The following STARD9 variants were observed in gnomAD, a reference collection of about 807,000 sequenced individuals.
The protein encoded by STARD9 is stAR-related lipid transfer protein 9.
In STARD9, 346 loss-of-function variants were observed where a neutral mutation model predicts 399.8. That is an observed-to-expected ratio of 0.87 (90% CI 0.79 to 0.95). The LOEUF (loss-of-function observed/expected upper bound fraction) is 0.95. STARD9 is among the 40% of genes least tolerant of loss of function. The probability of loss-of-function intolerance (pLI) is 0.00; values close to 1 mark genes in which losing one functional copy is unlikely to be tolerated. For synonymous variants in STARD9, 2,203 were observed against 2,143.5 expected (o/e 1.03, Z -0.77); for missense variants, 5,832 against 5,667.5 (o/e 1.03, Z -0.93).
chr15:42,624,553 CTTT>C (rs11314415), intron 3 of STARD9, among the ~76,000 whole-genome samples: 3 of 142,766 alleles, frequency 2.1e-5, no homozygotes, highest in African/African-American at 2.6e-5. Flanking sequence ...TTTCTGTTGT[CTTT>C]TTTTTTTTTT....
In STARD9 at chr15:42,687,840, G is replaced by T; in HGVS notation, c.6262G>T (p.Asp2088Tyr). 6.5e-7 allele frequency: 1 copy of T among 1,537,354 alleles called. No individual in the cohort carries two copies. The change falls in exon 23 of 33, where the codon GAC becomes TAC. Residue 2088 changes from aspartate (D) to tyrosine (Y), a missense_variant. Around this residue, in one of 2 missense-constraint regions of STARD9, gnomAD observed 5,828 missense variants for 5,651.1 expected, o/e 1.03. Coordinates refer to ENST00000290607, the MANE Select transcript of STARD9 (RefSeq NM_020759.3). The part of the protein sequence containing the change: ...PGTDKELVFQ[D>Y]QKEQEKTDHA... Reference sequence around the variant, plus strand: ...AACCGATAAGGAGTTGGTGTTCCAGGACCAGAAGGAGCAGGAGAAGACTGA... The same window carrying T: ...AACCGATAAGGAGTTGGTGTTCCAGTACCAGAAGGAGCAGGAGAAGACTGA...
At chr15:42,578,171 C>T (rs1049035207) in intron 1 of STARD9, among the ~76,000 whole-genome samples, 6 of 150,950 alleles carry the variant, frequency 4.0e-5, no homozygotes, top group South Asian at 2.1e-4. Flanking sequence ...AGTGCAATGG[C>T]GCGATCTCAG....
Position 42,681,627 on chromosome 15 carries a change from C to A in STARD9, c.2065+15C>A, listed in dbSNP as rs963518112. On this transcript the variant is annotated intron_variant, in intron 21 of 32. Coordinates refer to ENST00000290607, the MANE Select transcript of STARD9 (RefSeq NM_020759.3). ...GATTAAAGAAAGTAGGTGTCCACCA[C>A]TTAATGTGTCTGCCTCACCTCCTTA... The A allele has an allele frequency of 5.0e-5, 77 of 1,526,260 alleles. 1 individual carries two copies. Among genetic ancestry groups the A allele is most frequent in the South Asian group, 4.2e-4 (35 of 82,846 alleles). 94.5% of individuals were successfully genotyped at this position (1,526,260 alleles called of 1,614,324 possible).
rs1288216744 is a variant in STARD9, at chr15:42,688,316, G to C, written c.6738G>C (p.Leu2246Phe). The C allele has an allele frequency of 6.5e-7, 1 of 1,537,452 alleles. No individual in the cohort carries two copies. Among genetic ancestry groups the C allele is most frequent in the African/African-American group, 1.4e-5 (1 of 73,164 alleles). The change falls in exon 23 of 33, where the codon TTG becomes TTC. Residue 2246 changes from leucine to phenylalanine, a missense_variant. Physicochemically the swap from Leu to Phe is conservative, Grantham distance 22 (BLOSUM62 0). Transcript: ENST00000290607. ...QPWGLGSLEE[L>F]ETVKGFQESQ... Reference sequence around the variant, plus strand: ...GGGGCTTAGGAAGTCTTGAGGAATTGGAGACTGTGAAAGGTTTTCAGGAAA... The same window carrying C: ...GGGGCTTAGGAAGTCTTGAGGAATTCGAGACTGTGAAAGGTTTTCAGGAAA...
intron 8 of STARD9, 33 bp from the exon 9 acceptor site, chr15:42,652,487 C>G (rs765909843): frequency 1.7e-5 from 26 of 1,520,158 alleles, no homozygotes; most frequent in South Asian, 4.8e-5. Context: ...TGTAAACAAT[C>G]CTCGTCCTAA....
In STARD9 at chr15:42,653,381, A is replaced by G. The variant is rs142611442; in HGVS notation, c.702+789A>G. Among the ~76,000 whole-genome samples the G allele has an allele frequency of 9.8e-5, 15 of 152,340 alleles. No individual in the cohort carries two copies. In the East Asian group the frequency reaches 2.9e-3, roughly 29 times the overall value. Reference sequence around the variant, plus strand: ...GTACCACACCCAAAATAAAATGATGACTAAAAACTTCCTAAATTTGTTGAA... The same window carrying G: ...GTACCACACCCAAAATAAAATGATGGCTAAAAACTTCCTAAATTTGTTGAA... On this transcript the variant is annotated intron_variant, in intron 9 of 32. Coordinates refer to ENST00000290607, the MANE Select transcript of STARD9 (RefSeq NM_020759.3).
At chr15:42,650,335 G>A (rs776211137) in intron 7 of STARD9, among the ~76,000 whole-genome samples, 1 of 152,192 alleles carries the variant, frequency 6.6e-6, no homozygotes, top group African/African-American at 2.4e-5. Context: ...CTCTCATACA[G>A]AGATTCTCTG....
At chr15:42,600,043 G>A (rs1459187605) in intron 3 of STARD9, among the ~76,000 whole-genome samples, 2 of 152,202 alleles carry the variant, frequency 1.3e-5, no homozygotes, top group African/African-American at 4.8e-5. Flanking sequence ...CCATGTGTTT[G>A]AGGGGATCAG....
chr15:42,602,013 G>GT (rs2058640577), intron 3 of STARD9, among the ~76,000 whole-genome samples: 1 of 152,106 alleles, frequency 6.6e-6, no homozygotes, highest in Admixed American at 6.5e-5. Context: ...CGCCCGGCTC[G>GT]TTTTTATATT....
chr15:42,676,636 G>A (rs575710824), intron 20 of STARD9, among the ~76,000 whole-genome samples: 6 of 152,086 alleles, frequency 3.9e-5, no homozygotes, highest in Non-Finnish European at 7.4e-5. Context: ...TACTTCATCC[G>A]TTTCTACATA....
chr15:42,702,470 G>A (rs1385802995), intron 26 of STARD9, among the ~76,000 whole-genome samples: 4 of 152,084 alleles, frequency 2.6e-5, no homozygotes, highest in African/African-American at 9.7e-5. Context: ...CCAAAGTATT[G>A]GGATTACAGG....
At chr15:42,647,927 G>A (rs1363146589) in intron 7 of STARD9, among the ~76,000 whole-genome samples, 3 of 152,078 alleles carry the variant, frequency 2.0e-5, no homozygotes, top group African/African-American at 4.8e-5. Flanking sequence ...TTACAACATA[G>A]ACCATTGATT....
chr15:42,607,606 A>T (rs2058758143), intron 3 of STARD9, among the ~76,000 whole-genome samples: 1 of 151,452 alleles, frequency 6.6e-6, no homozygotes, highest in Admixed American at 6.6e-5. Context: ...GGACCTCCAG[A>T]CTGAATCTAG....
chr15:42,623,686 T>C (rs1179691452), intron 3 of STARD9, among the ~76,000 whole-genome samples: 1 of 152,234 alleles, frequency 6.6e-6, no homozygotes, highest in Non-Finnish European at 1.5e-5. Flanking sequence ...ATTTCTGTTG[T>C]AGTCTCTCCC....
chr15:42,606,288 T>C (rs1017103881), intron 3 of STARD9, among the ~76,000 whole-genome samples: 1 of 152,200 alleles, frequency 6.6e-6, no homozygotes, highest in East Asian at 1.9e-4. Context: ...TTCTCTGTGC[T>C]AACCTCTAAT....
intron 31 of STARD9, 111 bp downstream of exon 31, chr15:42,718,625 TG>T: frequency 7.0e-7 from 1 of 1,430,230 alleles, no homozygotes. Flanking sequence ...AAATTGGGGC[TG>T]GAGCCAGGGT....
chr15:42,581,905 C>G (rs2058180298), intron 1 of STARD9, among the ~76,000 whole-genome samples: 1 of 152,116 alleles, frequency 6.6e-6, no homozygotes. Context: ...AATCCCAGCA[C>G]TTTTGGAGAC....
At chr15:42,669,966 A>T (rs1406345157) in intron 16 of STARD9, 2 of 152,142 alleles carry the variant, frequency 1.3e-5, no homozygotes, top group Non-Finnish European at 2.9e-5. Context: ...CAGGAGAATC[A>T]CTTGAACCCA....
rs922797811 is a variant in STARD9, at chr15:42,691,567, G to T, written c.9989G>T (p.Gly3330Val). 6.5e-7 allele frequency: 1 copy of T among 1,537,096 alleles called. No individual in the cohort carries two copies. The highest frequency in any genetic ancestry group is 8.7e-7 in the Non-Finnish European group (1 of 1,146,920). Reference sequence around the variant, plus strand: ...CCCACACCACAGTTCTCAGTTGTCGGCTCTTCTCGTTCTCTTCAGGAGCTG... The same window carrying T: ...CCCACACCACAGTTCTCAGTTGTCGTCTCTTCTCGTTCTCTTCAGGAGCTG... Reference protein sequence around the residue: ...SSPTPQFSVVGSSRSLQELNL... With the variant: ...SSPTPQFSVVVSSRSLQELNL... Residue 3330 changes from glycine (G) to valine (V), a missense_variant, in exon 23 of 33, where the codon GGC becomes GTC. This residue lies in a region of STARD9 where 5,828 missense variants were observed against 5,651.1 expected (regional missense o/e 1.03). Transcript: ENST00000290607.
Sources: gnomAD v4.1 joint callset for allele counts (sites outside exome capture counted in the v4.1 genomes callset) on GRCh38, gnomAD v4.1.1 for gene constraint, gnomAD v4.1.1 regional missense constraint, MANE v1.5 for transcripts, NCBI Gene and HGNC (gene_info 2026-07-23, HGNC 2026-07-21) for gene names.